Variants in THSD7A observed in about 807,000 individuals in gnomAD.
The protein encoded by THSD7A is thrombospondin type 1 domain containing 7A.
Under a neutral mutation model 231.3 loss-of-function variants are expected in THSD7A, and 96 were observed. The observed-to-expected ratio is 0.41, with a 90% CI of 0.35 to 0.49. The LOEUF (loss-of-function observed/expected upper bound fraction) is 0.49. Among genes scored for constraint, THSD7A ranks in the 20% least tolerant of loss-of-function variants. The pLI is 0.05. For missense variants in THSD7A, 2,290 were observed against 2,070.2 expected, an observed-to-expected ratio of 1.11 and a Z score of -2.06; for synonymous variants, 940 against 743.3, an observed-to-expected ratio of 1.26 and a Z score of -4.30.
chr7:11,779,370 C>T (rs1259127494), intron 1 of THSD7A, among the ~76,000 whole-genome samples: 1 of 152,190 alleles, frequency 6.6e-6, no homozygotes, highest in Non-Finnish European at 1.5e-5. Flanking sequence ...CAAACAAGGT[C>T]TCTAATTAGG....
intron 4 of THSD7A, among the ~76,000 whole-genome samples, chr7:11,573,540 T>C (rs1399689686): frequency 6.6e-6 from 1 of 152,234 alleles, no homozygotes; most frequent in Non-Finnish European, 1.5e-5. Flanking sequence ...TCTTCTGGCT[T>C]GTTGGCCAAT....
intron 1 of THSD7A, among the ~76,000 whole-genome samples, chr7:11,710,107 G>A (rs1780902211): frequency 6.6e-6 from 1 of 150,518 alleles, no homozygotes; most frequent in Admixed American, 6.6e-5. Context: ...TTTAAAAAAT[G>A]AGGATTCTGT....
At chr7:11,825,076 T>C (rs1408756031) in intron 1 of THSD7A, among the ~76,000 whole-genome samples, 2 of 152,120 alleles carry the variant, frequency 1.3e-5, no homozygotes, top group South Asian at 2.1e-4. Context: ...TTGTCTTTCA[T>C]GCTGTCCTTT....
At chr7:11,641,291 T>G (rs1374753666) in intron 1 of THSD7A, among the ~76,000 whole-genome samples, 2 of 152,098 alleles carry the variant, frequency 1.3e-5, no homozygotes, top group Admixed American at 1.3e-4. Flanking sequence ...GCCTTTTAAT[T>G]TCAATGGCTT....
chr7:11,687,223 A>G (rs1477804135), intron 1 of THSD7A, among the ~76,000 whole-genome samples: 1 of 151,886 alleles, frequency 6.6e-6, no homozygotes, highest in African/African-American at 2.4e-5. Context: ...AGTCTTGAGA[A>G]ATAAAAATGT....
At chr7:11,391,867 G>A (rs1348148350) in intron 23 of THSD7A, among the ~76,000 whole-genome samples, 1 of 152,018 alleles carries the variant, frequency 6.6e-6, no homozygotes, top group Non-Finnish European at 1.5e-5. Context: ...CTGACCCCTT[G>A]CGCTCCCCAG....
At chr7:11,742,663 C>T (rs752157962) in intron 1 of THSD7A, among the ~76,000 whole-genome samples, 1 of 151,900 alleles carries the variant, frequency 6.6e-6, no homozygotes, top group Admixed American at 6.6e-5. Context: ...ATGTCACTTG[C>T]ACTTGCAGTG....
At chr7:11,523,912 T>C (rs908534430) in intron 6 of THSD7A, among the ~76,000 whole-genome samples, 7 of 152,162 alleles carry the variant, frequency 4.6e-5, no homozygotes, top group African/African-American at 1.4e-4. Flanking sequence ...ATTTGGGATA[T>C]GGTTCCTTAG....
intron 7 of THSD7A, among the ~76,000 whole-genome samples, chr7:11,480,163 T>C (rs1786364658): frequency 6.6e-6 from 1 of 152,196 alleles, no homozygotes; most frequent in Admixed American, 6.5e-5. Flanking sequence ...CTAAACTTAA[T>C]TAAAAATTAT....
chr7:11,520,273 T>C (rs1018370372), intron 6 of THSD7A: 3 of 152,194 alleles, frequency 2.0e-5, no homozygotes, highest in African/African-American at 7.2e-5. Flanking sequence ...TGATGCTAGT[T>C]CTTTGTCTGC....
chr7:11,820,153 G>A (rs1784826529), intron 1 of THSD7A, among the ~76,000 whole-genome samples: 1 of 152,160 alleles, frequency 6.6e-6, no homozygotes. Flanking sequence ...TCCAGTGGAA[G>A]GCAGCGCCAG....
At chr7:11,740,928 T>C (rs1260079167) in intron 1 of THSD7A, among the ~76,000 whole-genome samples, 2 of 151,962 alleles carry the variant, frequency 1.3e-5, no homozygotes, top group African/African-American at 2.4e-5. Context: ...ACTGAACATG[T>C]GAATTACATA....
At chr7:11,693,278 T>C (rs1340042181) in intron 1 of THSD7A, among the ~76,000 whole-genome samples, 1 of 151,562 alleles carries the variant, frequency 6.6e-6, no homozygotes, top group East Asian at 2.0e-4. Flanking sequence ...CTTCAATATA[T>C]GTGAATATTA....
At chr7:11,535,155 C>A (rs922671437) in intron 6 of THSD7A, among the ~76,000 whole-genome samples, 1 of 152,122 alleles carries the variant, frequency 6.6e-6, no homozygotes, top group Non-Finnish European at 1.5e-5. Context: ...GATGTCTCTG[C>A]TGAATCTACC....
intron 4 of THSD7A, among the ~76,000 whole-genome samples, chr7:11,589,050 G>C (rs1780043832): frequency 1.3e-5 from 2 of 152,022 alleles, no homozygotes; most frequent in African/African-American, 2.4e-5. Context: ...TTTTGGGAGG[G>C]GCAGAGAAGC....
At chr7:11,440,571 T>C (rs1460103679) in intron 13 of THSD7A, among the ~76,000 whole-genome samples, 1 of 152,016 alleles carries the variant, frequency 6.6e-6, no homozygotes, top group Non-Finnish European at 1.5e-5. Context: ...TTGAATGAAG[T>C]TGGTTCTCAT....
At chr7:11,476,032 T>C (rs1786160899) in intron 7 of THSD7A, among the ~76,000 whole-genome samples, 1 of 151,612 alleles carries the variant, frequency 6.6e-6, no homozygotes, top group African/African-American at 2.4e-5. Context: ...AAAATAACCT[T>C]TTCCTTTTTA....
intron 16 of THSD7A, among the ~76,000 whole-genome samples, chr7:11,423,056 G>C (rs1456174616): frequency 6.6e-6 from 1 of 152,050 alleles, no homozygotes; most frequent in Non-Finnish European, 1.5e-5. Flanking sequence ...GTGGAAAACA[G>C]AATCTCTTTT....
chr7:11,402,671 G>A (rs1783446586), intron 22 of THSD7A, among the ~76,000 whole-genome samples: 1 of 152,168 alleles, frequency 6.6e-6, no homozygotes, highest in Non-Finnish European at 1.5e-5. Flanking sequence ...TCAAGGAACA[G>A]AACATTCCCA....
Sources: gnomAD v4.1 joint callset for allele counts (sites outside exome capture counted in the v4.1 genomes callset) on GRCh38, gnomAD v4.1.1 for gene constraint, MANE v1.5 for transcripts, NCBI Gene and HGNC (gene_info 2026-07-23, HGNC 2026-07-21) for gene names.